FAM135B: variants seen among roughly 807,000 people sequenced by gnomAD.
The protein encoded by FAM135B is family with sequence similarity 135 member B.
FAM135B carries 43 observed loss-of-function variants against 127.7 expected under a neutral mutation model. That is an observed-to-expected ratio of 0.34 (90% CI 0.26 to 0.43). The LOEUF (loss-of-function observed/expected upper bound fraction) is 0.43. Ranked by LOEUF, FAM135B falls within the 20% of genes least tolerant of loss-of-function variation. FAM135B has a pLI of 1.00. For missense variants in FAM135B, 1,558 were observed against 1,725.6 expected (o/e 0.90, Z 1.72); for synonymous variants, 670 against 665.1 (o/e 1.01, Z -0.11).
chr8:138,313,393 A>T (rs932057487), intron 2 of FAM135B, among the ~76,000 whole-genome samples: 1 of 152,190 alleles, frequency 6.6e-6, no homozygotes, highest in Non-Finnish European at 1.5e-5. Context: ...TGGCCTCCCA[A>T]AGTGCTGGGA....
chr8:138,209,693 C>G (rs1817987336), intron 7 of FAM135B, among the ~76,000 whole-genome samples: 1 of 152,170 alleles, frequency 6.6e-6, no homozygotes, highest in Admixed American at 6.5e-5. Context: ...GGAGGCCTTT[C>G]TCTGTGACTC....
intron 4 of FAM135B, among the ~76,000 whole-genome samples, chr8:138,262,892 ACT>A (rs796872578): frequency 1.8e-5 from 2 of 108,666 alleles, no homozygotes; most frequent in African/African-American, 7.6e-5. Flanking sequence ...ACAGTGGGAG[ACT>A]CTGTCTCAGA....
intron 1 of FAM135B, among the ~76,000 whole-genome samples, chr8:138,430,091 T>C (rs763613334): frequency 1.8e-4 from 28 of 152,190 alleles, no homozygotes; most frequent in Admixed American, 5.2e-4. Context: ...GCAAATTTAA[T>C]GTAAATTTTT....
intron 1 of FAM135B, among the ~76,000 whole-genome samples, chr8:138,401,938 T>G (rs922299381): frequency 6.6e-6 from 1 of 152,144 alleles, no homozygotes; most frequent in African/African-American, 2.4e-5. Context: ...CCACAGATAT[T>G]TATTCTGCTC....
intron 1 of FAM135B, among the ~76,000 whole-genome samples, chr8:138,467,595 G>T (rs1445012215): frequency 6.6e-6 from 1 of 152,136 alleles, no homozygotes; most frequent in Admixed American, 6.6e-5. Flanking sequence ...GAGAACCATG[G>T]TAAGTGACAC....
intron 1 of FAM135B, among the ~76,000 whole-genome samples, chr8:138,414,230 T>A (rs1264924831): frequency 1.3e-5 from 2 of 151,758 alleles, no homozygotes; most frequent in African/African-American, 4.8e-5. Context: ...TCTGATATAT[T>A]ATTTTCTAGG....
chr8:138,380,227 T>C (rs2131280912), intron 1 of FAM135B, among the ~76,000 whole-genome samples: 1 of 152,184 alleles, frequency 6.6e-6, no homozygotes, highest in Admixed American at 6.5e-5. Context: ...AGACAGAGTC[T>C]TGCTCTGCCA....
intron 1 of FAM135B, among the ~76,000 whole-genome samples, chr8:138,385,946 G>A (rs140310003): frequency 1.3e-5 from 2 of 151,576 alleles, no homozygotes; most frequent in Admixed American, 1.3e-4. Flanking sequence ...ACCCAGCCAG[G>A]CACGTGGCTC....
chr8:138,214,727 G>C (rs1190280582), intron 7 of FAM135B, among the ~76,000 whole-genome samples: 1 of 152,010 alleles, frequency 6.6e-6, no homozygotes, highest in African/African-American at 2.4e-5. Context: ...AAATTGATAC[G>C]ATTCTAGCAG....
chr8:138,170,217 CTTTTTT>C (rs141401317), intron 11 of FAM135B, among the ~76,000 whole-genome samples: 28 of 112,028 alleles, frequency 2.5e-4, no homozygotes, highest in African/African-American at 9.0e-4. Flanking sequence ...CTGTTACTAT[CTTTTTT>C]TTTTTTTTTT....
chr8:138,197,626 T>C lies in FAM135B; in HGVS notation c.713A>G (p.His238Arg), dbSNP rs1319344627. ...CAGGCACAGGTCTCGGTGCCACTTG[T>C]GTGCGTGCTGCATGCAGTTCTCAGA... Reference protein sequence around the residue: ...ITSENCMQHAHKWHRDLCLLL... With the variant: ...ITSENCMQHARKWHRDLCLLL... The change falls in exon 8 of 20, where the codon CAC (histidine) becomes CGC (arginine). Residue 238 changes from histidine (H) to arginine (R), a missense_variant. His to Arg is a conservative substitution (Grantham distance 29). Transcript: ENST00000395297. 12 of 1,614,192 alleles carry C rather than the reference T, an allele frequency of 7.4e-6. No homozygotes were observed. The highest frequency in any genetic ancestry group is 1.0e-5 in the Non-Finnish European group (12 of 1,180,040).
At position 138,152,251 on chromosome 8, in the gene FAM135B, C is replaced by A. The variant is rs754183792; in HGVS notation, c.2224G>T (p.Gly742Cys). 1 of 1,614,098 alleles carries A rather than the reference C, an allele frequency of 6.2e-7. No individual in the cohort carries two copies. Among genetic ancestry groups the A allele is most frequent in the Non-Finnish European group, 8.5e-7 (1 of 1,180,036 alleles). Residue 742 changes from glycine to cysteine, a missense_variant, in exon 13 of 20, where the codon GGC (glycine) becomes TGC (cysteine). By Grantham distance (159) the Gly-to-Cys change is radical. Around this residue, in one of 5 missense-constraint regions of FAM135B, gnomAD observed 923 missense variants for 865.3 expected, o/e 1.07. Coordinates refer to ENST00000395297, the MANE Select transcript of FAM135B (RefSeq NM_015912.4). ...ATGGAGGTGAGAGAAGCCTGGATGC[C>A]GCTTGGCAAACTTGTGTTACTTTCT... ...HTESNTSLPS[G>C]IQASLTSISS...
chr8:138,403,507 C>T (rs1833272657), intron 1 of FAM135B, among the ~76,000 whole-genome samples: 1 of 152,186 alleles, frequency 6.6e-6, no homozygotes, highest in Non-Finnish European at 1.5e-5. Context: ...AAAGTTTCCT[C>T]ATATTGTTAC....
chr8:138,447,229 T>C (rs1454300408), intron 1 of FAM135B, among the ~76,000 whole-genome samples: 1 of 152,142 alleles, frequency 6.6e-6, no homozygotes, highest in East Asian at 1.9e-4. Flanking sequence ...AGTTCAACCA[T>C]TGTGGAAGAT....
chr8:138,387,234 G>A (rs1466502281), intron 1 of FAM135B, among the ~76,000 whole-genome samples: 1 of 152,128 alleles, frequency 6.6e-6, no homozygotes, highest in Non-Finnish European at 1.5e-5. Context: ...GAAGAGGTGA[G>A]AGCAGGCCAG....
intron 1 of FAM135B, among the ~76,000 whole-genome samples, chr8:138,376,502 T>C (rs1173520655): frequency 6.6e-6 from 1 of 152,208 alleles, no homozygotes; most frequent in Non-Finnish European, 1.5e-5. Context: ...GTTCTGCTTA[T>C]CTCAAAAGTT....
At chr8:138,198,554 A>G (rs1438732700) in intron 7 of FAM135B, among the ~76,000 whole-genome samples, 4 of 152,226 alleles carry the variant, frequency 2.6e-5, no homozygotes, top group African/African-American at 9.6e-5. Flanking sequence ...TAATGTAGAA[A>G]GAAGTTGTGA....
chr8:138,488,204 ATTT>A (rs1156380199), intron 1 of FAM135B, among the ~76,000 whole-genome samples: 11 of 152,236 alleles, frequency 7.2e-5, no homozygotes, highest in Non-Finnish European at 7.4e-5. Context: ...TAAAAGTATT[ATTT>A]TATTATTGAT....
intron 1 of FAM135B, among the ~76,000 whole-genome samples, chr8:138,468,499 A>C (rs1837496373): frequency 6.6e-6 from 1 of 152,054 alleles, no homozygotes; most frequent in South Asian, 2.1e-4. Flanking sequence ...TTTATTTGCC[A>C]CCCATCACTC....
Sources: gnomAD v4.1 joint callset for allele counts (sites outside exome capture counted in the v4.1 genomes callset) on GRCh38, gnomAD v4.1.1 for gene constraint, gnomAD v4.1.1 regional missense constraint, MANE v1.5 for transcripts, NCBI Gene and HGNC (gene_info 2026-07-23, HGNC 2026-07-21) for gene names.